The following HIVEP3 variants were observed in gnomAD, a reference collection of about 807,000 sequenced individuals.
The protein encoded by HIVEP3 is transcription factor HIVEP3.
In HIVEP3, 49 loss-of-function variants were observed where a neutral mutation model predicts 152.8. The observed-to-expected ratio is 0.32, with a 90% CI of 0.26 to 0.41. HIVEP3 has a LOEUF of 0.41. Ranked by LOEUF, HIVEP3 falls within the 10% of genes least tolerant of loss-of-function variation. The pLI is 1.00. For missense variants in HIVEP3, 2,790 were observed against 3,103.3 expected, an observed-to-expected ratio of 0.90 and a Z score of 2.40; for synonymous variants, 1,269 against 1,289.0, an observed-to-expected ratio of 0.98 and a Z score of 0.33.
chr1:42,029,901 GA>G (rs1383684439), intron 1 of HIVEP3, among the ~76,000 whole-genome samples: 1 of 152,232 alleles, frequency 6.6e-6, no homozygotes, highest in East Asian at 1.9e-4. Context: ...ACACAATTGG[GA>G]AAAGAAAGCC....
chr1:41,677,647 T>C (rs1645977013), intron 2 of HIVEP3, among the ~76,000 whole-genome samples: 1 of 152,166 alleles, frequency 6.6e-6, no homozygotes, highest in African/African-American at 2.4e-5. Context: ...GTGTTGGCCA[T>C]GGGGAAAAGA....
intron 3 of HIVEP3, among the ~76,000 whole-genome samples, chr1:41,624,981 T>G (rs1267227122): frequency 6.6e-6 from 1 of 151,892 alleles, no homozygotes; most frequent in Non-Finnish European, 1.5e-5. Flanking sequence ...CTGGCTGACA[T>G]GGTGAAACCC....
intron 1 of HIVEP3, among the ~76,000 whole-genome samples, chr1:41,729,230 G>A (rs567370774): frequency 6.6e-6 from 1 of 152,300 alleles, no homozygotes; most frequent in South Asian, 2.1e-4. Context: ...ATCAGTAACC[G>A]GCAGCCCCTT....
At chr1:41,834,920 G>A (rs1643078239) in intron 1 of HIVEP3, among the ~76,000 whole-genome samples, 1 of 152,156 alleles carries the variant, frequency 6.6e-6, no homozygotes, top group Non-Finnish European at 1.5e-5. Flanking sequence ...GGGGACAGGA[G>A]AGCAGTGACC....
intron 3 of HIVEP3, among the ~76,000 whole-genome samples, chr1:41,594,142 T>C (rs1019405144): frequency 2.6e-5 from 4 of 152,260 alleles, no homozygotes; most frequent in African/African-American, 9.6e-5. Context: ...ACATATTCAG[T>C]TTCCAGGGTT....
chr1:41,654,473 G>A (rs1645600781), intron 2 of HIVEP3, among the ~76,000 whole-genome samples: 1 of 152,144 alleles, frequency 6.6e-6, no homozygotes, highest in African/African-American at 2.4e-5. Flanking sequence ...TAAATAAAAT[G>A]TTCATTTTTG....
chr1:41,981,621 G>A (rs1167844535), intron 1 of HIVEP3, among the ~76,000 whole-genome samples: 2 of 152,176 alleles, frequency 1.3e-5, no homozygotes, highest in Non-Finnish European at 2.9e-5. Context: ...GATTTTACCT[G>A]CTGCAAAAAG....
At chr1:41,750,367 A>C (rs955737329) in intron 1 of HIVEP3, among the ~76,000 whole-genome samples, 11 of 152,252 alleles carry the variant, frequency 7.2e-5, no homozygotes, top group Non-Finnish European at 1.2e-4. Flanking sequence ...GGAATGAATG[A>C]CTGGAGTCCA....
intron 2 of HIVEP3, among the ~76,000 whole-genome samples, chr1:41,661,072 C>A (rs1487295567): frequency 6.6e-6 from 1 of 152,198 alleles, no homozygotes; most frequent in Non-Finnish European, 1.5e-5. Context: ...GGCTTTACAT[C>A]TACAAAACAT....
chr1:41,665,772 T>C (rs761610410), intron 2 of HIVEP3, among the ~76,000 whole-genome samples: 25 of 143,552 alleles, frequency 1.7e-4, no homozygotes, highest in Non-Finnish European at 3.3e-4. Context: ...AGCATCACAC[T>C]GTAGAGACTT....
rs557448295 is a variant in HIVEP3, at chr1:41,597,210, C to A, written c.-521-11892G>T. Among the ~76,000 whole-genome samples the A allele has an allele frequency of 5.9e-5, 9 of 152,236 alleles. No homozygotes were observed. In the East Asian group the frequency reaches 1.7e-3, roughly 29 times the overall value. On this transcript the variant is annotated intron_variant, in intron 3 of 8. Coordinates refer to ENST00000372583, the MANE Select transcript of HIVEP3 (RefSeq NM_024503.5). ...GTTAGACCCGGCTGGTATTTGTCTT[C>A]CTGTTAGAGAGCTCAGGGATCCAGG...
At chr1:41,685,522 T>C in intron 2 of HIVEP3, among the ~76,000 whole-genome samples, 1 of 152,224 alleles carries the variant, frequency 6.6e-6, no homozygotes, top group Middle Eastern at 3.2e-3. Flanking sequence ...TCCAGCCACA[T>C]GGGCTCCTGG....
chr1:41,971,526 C>G (rs1451262185), intron 1 of HIVEP3, among the ~76,000 whole-genome samples: 2 of 152,258 alleles, frequency 1.3e-5, no homozygotes, highest in Non-Finnish European at 2.9e-5. Context: ...TTTGAGGGTG[C>G]ACTGGGAAAA....
chr1:41,700,682 C>A (rs1006308080), intron 2 of HIVEP3, among the ~76,000 whole-genome samples: 1 of 152,254 alleles, frequency 6.6e-6, no homozygotes, highest in African/African-American at 2.4e-5. Context: ...TTTCCCTTGG[C>A]TCCTGGCCCA....
rs149624984 is a variant in HIVEP3 at position 41,656,477 on chromosome 1, T to A, written c.-720-27530A>T. Among the ~76,000 whole-genome samples the A allele has an allele frequency of 3.6e-4, 55 of 152,298 alleles. 2 individuals are homozygous for A. In the East Asian group the frequency reaches 0.01, roughly 28 times the overall value. On this transcript the variant is annotated intron_variant, in intron 2 of 8. Coordinates refer to ENST00000372583, the MANE Select transcript of HIVEP3 (RefSeq NM_024503.5). Reference sequence around the variant, plus strand: ...TTTGTGGGCTGGAACCATCTCCCCATGCCCGCCTTTCACCAAGGAACACGT... The same window carrying A: ...TTTGTGGGCTGGAACCATCTCCCCAAGCCCGCCTTTCACCAAGGAACACGT...
intron 1 of HIVEP3, among the ~76,000 whole-genome samples, chr1:41,941,389 G>C (rs1053744402): frequency 2.6e-5 from 4 of 152,176 alleles, no homozygotes; most frequent in Non-Finnish European, 4.4e-5. Flanking sequence ...GGCACACATA[G>C]GAAGAGTGGT....
rs182572407 is a variant in HIVEP3, at chr1:41,822,680, G to T, written c.-801+95733C>A. ...ACCATGACAGTCCCCAGATTTGGGG[G>T]TTATCAGTGTAGTTTCTCAAGCTTT... On this transcript the variant is annotated intron_variant, in intron 1 of 8. Coordinates refer to ENST00000372583, the MANE Select transcript of HIVEP3 (RefSeq NM_024503.5). 1.4e-3 allele frequency among the ~76,000 whole-genome samples: 216 copies of T among 152,292 alleles called. 1 individual carries two copies. Among genetic ancestry groups the T allele is most frequent in the East Asian group, 0.014 (70 of 5,182 alleles).
chr1:41,783,821 A>G (rs1398950964), intron 1 of HIVEP3, among the ~76,000 whole-genome samples: 4 of 152,206 alleles, frequency 2.6e-5, no homozygotes, highest in Non-Finnish European at 4.4e-5. Flanking sequence ...CCTAGAATCA[A>G]TGAAGTTGCT....
chr1:41,548,541 GT>G (rs11349352), intron 5 of HIVEP3, among the ~76,000 whole-genome samples: 65,343 of 148,298 alleles, frequency 0.44, 14,214 homozygotes, highest in Middle Eastern at 0.47. Context: ...TTTTGGGTTT[GT>G]TTTTTTTTTT....
Sources: allele counts gnomAD v4.1 joint callset (sites outside exome capture counted in the v4.1 genomes callset), GRCh38; gene constraint gnomAD v4.1.1; transcripts MANE v1.5; gene names NCBI Gene and HGNC (gene_info 2026-07-23, HGNC 2026-07-21).